MERTK: variants seen among roughly 807,000 people sequenced by gnomAD.
The protein encoded by MERTK is tyrosine-protein kinase Mer.
MERTK carries 69 observed loss-of-function variants against 99.3 expected under a neutral mutation model. The observed-to-expected ratio is 0.70, with a 90% confidence interval of 0.57 to 0.85. The LOEUF (loss-of-function observed/expected upper bound fraction) is 0.85, where lower values mean the gene tolerates loss of function less well. MERTK is among the 40% of genes least tolerant of loss of function. The pLI is 0.00. For synonymous variants in MERTK, 426 were observed against 467.6 expected, an observed-to-expected ratio of 0.91 and a Z score of 1.15; for missense variants, 1,125 against 1,249.4, an observed-to-expected ratio of 0.90 and a Z score of 1.50.
At chr2:111,943,530 C>A (rs1684902164) in intron 2 of MERTK, among the ~76,000 whole-genome samples, 1 of 152,056 alleles carries the variant, frequency 6.6e-6, no homozygotes. Context: ...CAGAGCGAGA[C>A]CCCATCTAAA....
chr2:111,998,255 G>T (rs1349847382), intron 10 of MERTK, among the ~76,000 whole-genome samples: 1 of 152,172 alleles, frequency 6.6e-6, no homozygotes, highest in Non-Finnish European at 1.5e-5. Context: ...TTCTAAGAAT[G>T]ACTATTTTAA....
chr2:111,912,115 GC>G (rs1247226453), intron 1 of MERTK, among the ~76,000 whole-genome samples: 3 of 151,890 alleles, frequency 2.0e-5, no homozygotes, highest in African/African-American at 7.3e-5. Context: ...TGATTCTCCT[GC>G]CTCAGCCTAC....
At chr2:111,940,825 A>G in intron 2 of MERTK, 1 of 992,252 alleles carries the variant, frequency 1.0e-6, no homozygotes, top group Non-Finnish European at 1.6e-6. Flanking sequence ...TTGAATCTTT[A>G]AACGACAGTT....
At position 111,929,650 on chromosome 2, in the gene MERTK, G is replaced by A. The variant is rs573568476; in HGVS notation, c.482+110G>A. 7.1e-5 allele frequency: 62 copies of A among 868,284 alleles called. 7 individuals are homozygous for A. The South Asian group carries it at 1.5e-3, about 22-fold the overall frequency. The allele number at this position is 868,284 out of a possible 1,614,324, so 53.8% of individuals were successfully genotyped here. Reference sequence around the variant, plus strand: ...AGCCCAGGCTGGAGTGCAGTGGCACGATCTCAGCTCATTGCAACCTCCACC... The same window carrying A: ...AGCCCAGGCTGGAGTGCAGTGGCACAATCTCAGCTCATTGCAACCTCCACC... On this transcript the variant is annotated intron_variant, in intron 2 of 18. Transcript: ENST00000295408.
chr2:112,016,202 G>A (rs769708578), intron 15 of MERTK, among the ~76,000 whole-genome samples: 71 of 152,246 alleles, frequency 4.7e-4, no homozygotes, highest in African/African-American at 1.5e-3. Flanking sequence ...CAAAAGTTCT[G>A]CTGTAATCTT....
chr2:112,003,652 G>C (rs1676914798), intron 12 of MERTK, among the ~76,000 whole-genome samples: 1 of 152,164 alleles, frequency 6.6e-6, no homozygotes, highest in Admixed American at 6.5e-5. Flanking sequence ...AAGTGTCTTG[G>C]ATTGGTTATA....
chr2:111,989,732 C>G (rs1450769517), intron 8 of MERTK, among the ~76,000 whole-genome samples: 1 of 152,178 alleles, frequency 6.6e-6, no homozygotes, highest in Non-Finnish European at 1.5e-5. Context: ...CGCAGTTGCC[C>G]TGCCTAACTC....
chr2:111,932,058 G>T (rs1684681768), intron 2 of MERTK, among the ~76,000 whole-genome samples: 1 of 152,122 alleles, frequency 6.6e-6, no homozygotes, highest in East Asian at 1.9e-4. Context: ...GAAATTTGGA[G>T]TAGAATTTAT....
At chr2:111,953,965 G>T (rs574355311) in intron 4 of MERTK, among the ~76,000 whole-genome samples, 1 of 152,030 alleles carries the variant, frequency 6.6e-6, no homozygotes, top group Non-Finnish European at 1.5e-5. Context: ...CTGGTTCATC[G>T]CCAGGACTGT....
chr2:112,004,087 A>G, intron 13 of MERTK, 103 bp downstream of exon 13: 1 of 985,836 alleles, frequency 1.0e-6, no homozygotes. Flanking sequence ...CCAGTGGGCC[A>G]GAAGGCAATG....
rs934734730 is a variant in MERTK at position 112,022,723 on chromosome 2, G to A, written c.2486+329G>A. On this transcript the variant is annotated intron_variant, in intron 18 of 18. Transcript: ENST00000295408. ...AAATATATCCACAGATAATAGCTTC[G>A]CCTTGTAGTGCATGAGGTCCTTGAA... is the stretch of plus-strand genomic sequence containing the variant. 12 of 474,004 alleles carry A rather than the reference G, an allele frequency of 2.5e-5. 1 individual carries two copies. Among genetic ancestry groups the A allele is most frequent in the South Asian group, 1.3e-4 (7 of 54,138 alleles). 29.4% of individuals were successfully genotyped at this position (474,004 alleles called of 1,614,324 possible). A position where few individuals can be genotyped will look rare whatever the true frequency, so the allele number is the denominator to read the frequency against.
At chr2:111,933,546 C>CT (rs1393665145) in intron 2 of MERTK, among the ~76,000 whole-genome samples, 1 of 151,718 alleles carries the variant, frequency 6.6e-6, no homozygotes, top group Non-Finnish European at 1.5e-5. Context: ...GTCATGGGAC[C>CT]TTTTTTTTCT....
At chr2:111,908,741 G>A (rs1684187470) in intron 1 of MERTK, among the ~76,000 whole-genome samples, 1 of 152,146 alleles carries the variant, frequency 6.6e-6, no homozygotes, top group African/African-American at 2.4e-5. Context: ...TCAATGACCT[G>A]GCTCTTGGCT....
rs549095718 is a variant in MERTK, at chr2:111,989,723, G to A, written c.1297-4528G>A. On this transcript the variant is annotated intron_variant, in intron 8 of 18. Coordinates refer to ENST00000295408, the MANE Select transcript of MERTK (RefSeq NM_006343.3). ...TTGATCATTGAAAACAAGTACCACC[G>A]CAGTTGCCCTGCCTAACTCTAATGC... Among the ~76,000 whole-genome samples, 6 of 152,272 alleles carry A rather than the reference G, an allele frequency of 3.9e-5. No individual in the cohort carries two copies. The East Asian group carries it at 9.6e-4, about 24-fold the overall frequency.
Position 112,028,779 on chromosome 2 carries a change from C to T in MERTK, c.2915C>T (p.Ser972Leu), listed in dbSNP as rs764736804. 15 of 1,613,960 alleles carry T rather than the reference C, an allele frequency of 9.3e-6. No homozygotes were observed. Among genetic ancestry groups the T allele is most frequent in the East Asian group, 2.2e-5 (1 of 44,890 alleles). ...AGGAATGGGGTCTCCTGGTCCCATT[C>T]GAGCATGCTGCCCTTGGGAAGCTCA... ...LVRNGVSWSHSSMLPLGSSLP... is the reference protein window; with the variant it reads ...LVRNGVSWSHLSMLPLGSSLP... The change falls in exon 19 of 19, where the codon TCG becomes TTG. Residue 972 changes from serine (S) to leucine (L), a missense_variant. Ser to Leu is a moderately radical substitution (Grantham distance 145, BLOSUM62 -2). Coordinates refer to ENST00000295408, the MANE Select transcript of MERTK (RefSeq NM_006343.3).
rs1313953757 is a variant in MERTK at position 111,997,468 on chromosome 2, A to G, written c.1596A>G (p.Thr532=). ...CCATCAGAAAAAGAGTCCAGGAGAC[A>G]AAGTTTGGGTAAGTCTCCCAGCTAA... is the stretch of plus-strand genomic sequence containing the variant. The part of the protein sequence containing the change: ...SLAIRKRVQE[T]KFGNAFTEED... The change falls in exon 10 of 19, where the codon ACA becomes ACG. Residue 532 remains threonine (T), a synonymous_variant. Transcript: ENST00000295408. 1.2e-6 allele frequency: 2 copies of G among 1,613,952 alleles called. No individual in the cohort carries two copies. Among genetic ancestry groups the G allele is most frequent in the Admixed American group, 1.7e-5 (1 of 60,028 alleles).
Position 112,021,476 on chromosome 2 carries a change from T to A in MERTK, c.2244T>A (p.Ile748=). Residue 748 remains isoleucine, a synonymous_variant, in exon 17 of 19, where the codon ATT becomes ATA. Coordinates refer to ENST00000295408, the MANE Select transcript of MERTK (RefSeq NM_006343.3). ...CGGACTTCGGCCTCTCTAAGAAGAT[T>A]TACAGTGGCGATTATTACCGCCAAG... The part of the protein sequence containing the change: ...CVADFGLSKK[I]YSGDYYRQGR... The A allele has an allele frequency of 6.2e-7, 1 of 1,613,888 alleles. No homozygotes were observed. The highest frequency in any genetic ancestry group is 8.5e-7 in the Non-Finnish European group (1 of 1,179,864).
At chr2:111,956,330 C>T (rs1402640917) in intron 4 of MERTK, among the ~76,000 whole-genome samples, 4 of 145,834 alleles carry the variant, frequency 2.7e-5, no homozygotes, top group Admixed American at 6.8e-5. Flanking sequence ...TGAAATGCTA[C>T]CTATTATATT....
chr2:111,940,975 T>C, intron 2 of MERTK: 1 of 622,962 alleles, frequency 1.6e-6, no homozygotes, highest in Non-Finnish European at 3.1e-6. Flanking sequence ...TTCTGTTTCA[T>C]CTTTGCAGTT....
Sources: allele counts gnomAD v4.1 joint callset (sites outside exome capture counted in the v4.1 genomes callset), GRCh38; gene constraint gnomAD v4.1.1; transcripts MANE v1.5; gene names NCBI Gene and HGNC (gene_info 2026-07-23, HGNC 2026-07-21).